The following RMST variants were observed in gnomAD, a reference collection of about 807,000 sequenced individuals.
The protein encoded by RMST is rhabdomyosarcoma 2 associated transcript, also known as long intergenic non-protein coding RNA 54.
intron 10 of RMST, among the ~76,000 whole-genome samples, chr12:97,498,392 C>G (rs1211519984): frequency 6.6e-6 from 1 of 152,076 alleles, no homozygotes; most frequent in Non-Finnish European, 1.5e-5. Context: ...TTTCTAAACC[C>G]GCTTCTTCAC....
chr12:97,552,354 A>G, intron 11 of RMST: 1 of 152,174 alleles, frequency 6.6e-6, no homozygotes, highest in Admixed American at 6.5e-5. Flanking sequence ...TAGCCAATTA[A>G]CCTGACATAA....
intron 11 of RMST, among the ~76,000 whole-genome samples, chr12:97,556,097 C>T (rs1376026915): frequency 6.6e-6 from 1 of 152,142 alleles, no homozygotes; most frequent in Non-Finnish European, 1.5e-5. Context: ...GATTAGTGGA[C>T]ATGTTGTCTT....
At chr12:97,480,688 C>T (rs1875173859) in intron 5 of RMST, among the ~76,000 whole-genome samples, 1 of 152,220 alleles carries the variant, frequency 6.6e-6, no homozygotes, top group South Asian at 2.1e-4. Flanking sequence ...TTATCTCTAA[C>T]AATTTCCTGT....
intron 5 of RMST, among the ~76,000 whole-genome samples, chr12:97,471,029 C>T (rs147557386): frequency 1.1e-4 from 16 of 152,026 alleles, no homozygotes; most frequent in South Asian, 1.0e-3. Context: ...GGTGTAGCCT[C>T]GAAATCTTAA....
exon 9 of RMST, chr12:97,494,768 G>A (rs995075023): frequency 1.3e-5 from 2 of 151,904 alleles, no homozygotes; most frequent in South Asian, 2.1e-4. Context: ...CTCTAACTCC[G>A]ATTATTACCA....
At chr12:97,509,931 C>T (rs1009958381) in intron 10 of RMST, among the ~76,000 whole-genome samples, 6 of 152,090 alleles carry the variant, frequency 3.9e-5, no homozygotes, top group Non-Finnish European at 8.8e-5. Context: ...TTTATGACTT[C>T]CCCACTAGAC....
At chr12:97,482,845 A>C (rs1003336786) in intron 5 of RMST, among the ~76,000 whole-genome samples, 1 of 143,182 alleles carries the variant, frequency 7.0e-6, no homozygotes, top group Admixed American at 7.2e-5. Flanking sequence ...AAATTTATTT[A>C]TTTATTTGTT....
chr12:97,563,113 T>G (rs1884250493), intron 13 of RMST: 1 of 152,246 alleles, frequency 6.6e-6, no homozygotes, highest in Non-Finnish European at 1.5e-5. Context: ...GCAATGTCAC[T>G]TTAATGCAGC....
intron 11 of RMST, among the ~76,000 whole-genome samples, chr12:97,541,784 G>A (rs1186133962): frequency 6.6e-6 from 1 of 150,886 alleles, no homozygotes; most frequent in Non-Finnish European, 1.5e-5. Context: ...GTTTTATATA[G>A]GAAACAGAAA....
intron 5 of RMST, among the ~76,000 whole-genome samples, chr12:97,474,786 C>T (rs1026580754): frequency 1.2e-4 from 18 of 152,136 alleles, no homozygotes; most frequent in African/African-American, 3.6e-4. Context: ...GTTTCACTTT[C>T]ACTTGCTGGA....
chr12:97,491,528 A>G (rs1876813945), intron 5 of RMST: 1 of 169,332 alleles, frequency 5.9e-6, no homozygotes, highest in African/African-American at 2.4e-5. Flanking sequence ...CATCTTTTTA[A>G]TTATTTAAAC....
chr12:97,513,021 G>A (rs951088349), intron 10 of RMST, among the ~76,000 whole-genome samples: 1 of 152,226 alleles, frequency 6.6e-6, no homozygotes, highest in African/African-American at 2.4e-5. Flanking sequence ...CCTGCCGGCC[G>A]GCCGCTCCAA....
At chr12:97,529,586 G>A (rs1881444970) in intron 10 of RMST, among the ~76,000 whole-genome samples, 1 of 49,076 alleles carries the variant, frequency 2.0e-5, no homozygotes, top group Non-Finnish European at 5.2e-5. Flanking sequence ...AAATTCTGCT[G>A]CGCAAACTTT....
intron 11 of RMST, among the ~76,000 whole-genome samples, chr12:97,549,452 A>G (rs1035068413): frequency 2.2e-4 from 33 of 152,240 alleles, no homozygotes; most frequent in African/African-American, 8.0e-4. Context: ...TTTTAAAATT[A>G]GCCCGAAAGG....
chr12:97,495,178 G>GA (rs1555230760), intron 9 of RMST, among the ~76,000 whole-genome samples: 3 of 150,930 alleles, frequency 2.0e-5, no homozygotes, highest in East Asian at 1.9e-4. Context: ...TATTCTTATG[G>GA]GGGGGGAGCC....
chr12:97,542,751 G>A (rs914553675), intron 11 of RMST, among the ~76,000 whole-genome samples: 6 of 151,886 alleles, frequency 4.0e-5, no homozygotes, highest in Admixed American at 2.0e-4. Flanking sequence ...GCAGAGTTTC[G>A]GTGTATTTGG....
intron 5 of RMST, among the ~76,000 whole-genome samples, chr12:97,490,241 C>T: frequency 6.6e-6 from 1 of 152,130 alleles, no homozygotes; most frequent in East Asian, 1.9e-4. Flanking sequence ...AAGGAAAGAG[C>T]CAATGTAAAA....
At chr12:97,507,263 T>G (rs887364263) in intron 10 of RMST, among the ~76,000 whole-genome samples, 1 of 143,256 alleles carries the variant, frequency 7.0e-6, no homozygotes, top group Non-Finnish European at 1.5e-5. Context: ...TATTGTTTTT[T>G]TTTTGTTTTT....
At chr12:97,524,086 A>AAAAAAAAAAAAAAAAAAAAC (rs1880840162) in intron 10 of RMST, among the ~76,000 whole-genome samples, 1 of 143,782 alleles carries the variant, frequency 7.0e-6, no homozygotes, top group Non-Finnish European at 1.5e-5. Flanking sequence ...AAAAAAAAAA[A>AAAAAAAAAAAAAAAAAAAAC]AAAAAAAAAA....
Sources: allele counts gnomAD v4.1 joint callset (sites outside exome capture counted in the v4.1 genomes callset), GRCh38; gene constraint gnomAD v4.1.1; transcripts MANE v1.5; gene names NCBI Gene and HGNC (gene_info 2026-07-23, HGNC 2026-07-21).